Variants in LGR5 observed in about 807,000 individuals in gnomAD.
LGR5 encodes the protein leucine-rich repeat-containing G protein-coupled receptor 5.
A neutral mutation model predicts 76.7 loss-of-function variants in LGR5; 54 were observed. The ratio of observed to expected loss-of-function variants is 0.70; its 90% CI spans 0.57 to 0.88. LGR5 has a LOEUF of 0.88. Among genes scored for constraint, LGR5 ranks in the 40% least tolerant of loss-of-function variants. The pLI is 0.00. For missense variants in LGR5, 1,078 were observed against 1,073.3 expected (o/e 1.00, Z -0.06); for synonymous variants, 406 against 421.9 (o/e 0.96, Z 0.46).
chr12:71,459,344 T>C (rs932124488), intron 1 of LGR5, among the ~76,000 whole-genome samples: 1 of 152,088 alleles, frequency 6.6e-6, no homozygotes, highest in African/African-American at 2.4e-5. Flanking sequence ...AATAATAACA[T>C]AAGGAGAAGG....
intron 1 of LGR5, among the ~76,000 whole-genome samples, chr12:71,476,267 T>G (rs1873331546): frequency 6.6e-6 from 1 of 152,192 alleles, no homozygotes; most frequent in Non-Finnish European, 1.5e-5. Flanking sequence ...TCCTAACTAA[T>G]GGAAAATGTA....
intron 1 of LGR5, among the ~76,000 whole-genome samples, chr12:71,473,512 G>A (rs963261271): frequency 2.0e-5 from 3 of 152,026 alleles, no homozygotes; most frequent in African/African-American, 7.2e-5. Context: ...AATGGCTCAT[G>A]CCTCTAATCC....
At chr12:71,556,526 T>G in intron 5 of LGR5, 93 bp from the exon 6 acceptor site, 2 of 854,342 alleles carry the variant, frequency 2.3e-6, no homozygotes, top group Non-Finnish European at 4.0e-6. Flanking sequence ...TAGTGCATTC[T>G]TCAGTATATG....
At chr12:71,498,302 G>T (rs1874428263) in intron 1 of LGR5, among the ~76,000 whole-genome samples, 1 of 151,906 alleles carries the variant, frequency 6.6e-6, no homozygotes, top group South Asian at 2.1e-4. Flanking sequence ...GCTCTTAGAG[G>T]CAGTATAGCC....
intron 7 of LGR5, 114 bp downstream of exon 7, chr12:71,559,768 A>C: frequency 1.8e-6 from 1 of 564,664 alleles, no homozygotes; most frequent in Non-Finnish European, 3.2e-6. Flanking sequence ...AAGTTTATAT[A>C]AATAATGATA....
intron 1 of LGR5, among the ~76,000 whole-genome samples, chr12:71,446,283 T>C (rs1871986959): frequency 6.6e-6 from 1 of 152,246 alleles, no homozygotes; most frequent in African/African-American, 2.4e-5. Flanking sequence ...CTGAATTGTG[T>C]TCAGTTTAAA....
At chr12:71,545,481 A>G (rs1877109426) in intron 4 of LGR5, among the ~76,000 whole-genome samples, 2 of 152,180 alleles carry the variant, frequency 1.3e-5, no homozygotes, top group African/African-American at 4.8e-5. Context: ...ATGCTCATCC[A>G]AATATAAAAT....
intron 17 of LGR5, among the ~76,000 whole-genome samples, chr12:71,582,965 A>G (rs973505014): frequency 1.0e-4 from 15 of 145,668 alleles, no homozygotes; most frequent in Admixed American, 4.1e-4. Flanking sequence ...AGGAAGGAAG[A>G]AAGGAAGGAA....
chr12:71,499,824 T>C (rs1735478499), intron 1 of LGR5, among the ~76,000 whole-genome samples: 1 of 152,096 alleles, frequency 6.6e-6, no homozygotes, highest in Admixed American at 6.6e-5. Context: ...CATTCCTTTT[T>C]GGGTAGCAGT....
chr12:71,542,906 A>G (rs1463036425), intron 4 of LGR5, among the ~76,000 whole-genome samples: 2 of 152,182 alleles, frequency 1.3e-5, no homozygotes, highest in Admixed American at 1.3e-4. Context: ...AGGTTCCCCA[A>G]CCATGCATTC....
chr12:71,580,712 C>T (rs577050342), intron 16 of LGR5, among the ~76,000 whole-genome samples: 7 of 152,160 alleles, frequency 4.6e-5, no homozygotes, highest in African/African-American at 1.7e-4. Flanking sequence ...GTATGAGAAT[C>T]GCTTCAACCC....
Position 71,466,734 on chromosome 12 carries a change from A to G in LGR5, c.212+26442A>G, listed in dbSNP as rs114741454. On this transcript the variant is annotated intron_variant, in intron 1 of 17. Transcript: ENST00000266674. ...GAAAATTATAAAGAATTGAAAACTTAAAAGGTTTTCTTTGGTATCTAAGGT... is the reference window on the plus strand; with the variant it reads ...GAAAATTATAAAGAATTGAAAACTTGAAAGGTTTTCTTTGGTATCTAAGGT... Among the ~76,000 whole-genome samples, 545 of 152,184 alleles carry G rather than the reference A, an allele frequency of 3.6e-3. 3 individuals are homozygous for G. Among genetic ancestry groups the G allele is most frequent in the African/African-American group, 0.013 (522 of 41,532 alleles).
chr12:71,459,611 G>C (rs1301585346), intron 1 of LGR5, among the ~76,000 whole-genome samples: 2 of 151,984 alleles, frequency 1.3e-5, no homozygotes, highest in African/African-American at 4.8e-5. Flanking sequence ...TCTAGACCAG[G>C]CCCAAGAAAC....
intron 14 of LGR5, 116 bp downstream of exon 14, chr12:71,578,112 T>G: frequency 1.4e-6 from 1 of 738,712 alleles, no homozygotes; most frequent in South Asian, 1.8e-5. Context: ...CCTGCCTCTG[T>G]GTTCTCCATG....
At chr12:71,443,406 G>A (rs905178650) in intron 1 of LGR5, among the ~76,000 whole-genome samples, 16 of 152,222 alleles carry the variant, frequency 1.1e-4, no homozygotes, top group African/African-American at 3.9e-4. Context: ...GAGTGAAAAC[G>A]CTGGAAAAAT....
chr12:71,460,804 G>A (rs1434901135), intron 1 of LGR5, among the ~76,000 whole-genome samples: 3 of 151,984 alleles, frequency 2.0e-5, no homozygotes, highest in African/African-American at 4.8e-5. Context: ...CTTACACAGC[G>A]CCTCCATTTC....
chr12:71,459,161 G>T (rs533687247), intron 1 of LGR5, among the ~76,000 whole-genome samples: 2 of 152,182 alleles, frequency 1.3e-5, no homozygotes, highest in Non-Finnish European at 2.9e-5. Context: ...ATCCTCCTGT[G>T]AGATCTGACC....
intron 1 of LGR5, among the ~76,000 whole-genome samples, chr12:71,484,306 T>C (rs1873735532): frequency 6.6e-6 from 1 of 152,228 alleles, no homozygotes; most frequent in Non-Finnish European, 1.5e-5. Flanking sequence ...CACTACACTA[T>C]CTTGGGGGAA....
intron 1 of LGR5, among the ~76,000 whole-genome samples, chr12:71,456,510 G>T (rs938186943): frequency 6.6e-6 from 1 of 152,116 alleles, no homozygotes; most frequent in African/African-American, 2.4e-5. Flanking sequence ...TTAAAAGTCG[G>T]CTGGGCATTG....
Sources: allele counts gnomAD v4.1 joint callset (sites outside exome capture counted in the v4.1 genomes callset), GRCh38; gene constraint gnomAD v4.1.1; transcripts MANE v1.5; gene names NCBI Gene and HGNC (gene_info 2026-07-23, HGNC 2026-07-21).